The following ACCSL variants were observed in gnomAD, a reference collection of about 807,000 sequenced individuals.
ACCSL encodes 1-aminocyclopropane-1-carboxylate synthase homolog (inactive) like.
A neutral mutation model predicts 61.7 loss-of-function variants in ACCSL; 55 were observed. The observed-to-expected ratio is 0.89, with a 90% CI of 0.72 to 1.12. The LOEUF is 1.12. ACCSL is among the 50% of genes most tolerant of loss of function. ACCSL has a pLI of 0.00. For missense variants in ACCSL, 632 were observed against 698.0 expected (o/e 0.91, Z 1.07); for synonymous variants, 258 against 264.3 (o/e 0.98, Z 0.23).
the ACCSL span, among the ~76,000 whole-genome samples, chr11:43,932,329 A>G: frequency 3.3e-5 from 5 of 151,974 alleles, no homozygotes; most frequent in African/African-American, 1.2e-4. Flanking sequence ...GTGCAGTGGC[A>G]CAGTCTCAGC....
the ACCSL span, among the ~76,000 whole-genome samples, chr11:43,942,077 C>T: frequency 4.7e-5 from 7 of 148,940 alleles, no homozygotes; most frequent in Non-Finnish European, 9.0e-5. Context: ...TGTGTGTGTG[C>T]GCGCGCGCGC....
intron 6 of ACCSL, 60 bp from the exon 7 acceptor site, chr11:44,052,931 G>C (rs759246834): frequency 1.3e-5 from 20 of 1,552,612 alleles, no homozygotes; most frequent in Non-Finnish European, 1.8e-5. Context: ...GGGCTTATGG[G>C]AATGAGGAAT....
chr11:44,051,274 C>G, intron 3 of ACCSL, 61 bp from the exon 4 acceptor site: 2 of 1,555,984 alleles, frequency 1.3e-6, no homozygotes, highest in South Asian at 1.1e-5. Context: ...CAATGACCAT[C>G]TAGACCATGA....
the ACCSL span, among the ~76,000 whole-genome samples, chr11:43,984,438 C>G: frequency 6.6e-6 from 1 of 152,124 alleles, no homozygotes; most frequent in Non-Finnish European, 1.5e-5. Flanking sequence ...AGAGGAGACC[C>G]AGATGAATGG....
At chr11:44,016,738 C>T in the ACCSL span, among the ~76,000 whole-genome samples, 1 of 152,070 alleles carries the variant, frequency 6.6e-6, no homozygotes, top group African/African-American at 2.4e-5. Context: ...TATGTGGACT[C>T]CATAGGCAAA....
the ACCSL span, among the ~76,000 whole-genome samples, chr11:43,953,893 C>T: frequency 4.6e-5 from 7 of 152,220 alleles, no homozygotes; most frequent in South Asian, 4.1e-4. Context: ...AATAAACTTG[C>T]TTTCACTTTA....
Position 44,048,146 on chromosome 11 carries a change from A to T in ACCSL, c.110A>T (p.Gln37Leu). 1 of 1,614,190 alleles carries T rather than the reference A, an allele frequency of 6.2e-7. No individual in the cohort carries two copies. Among genetic ancestry groups the T allele is most frequent in the Non-Finnish European group, 8.5e-7 (1 of 1,180,032 alleles). Residue 37 changes from glutamine (Q) to leucine (L), a missense_variant, in exon 1 of 14, where the codon CAG (glutamine) becomes CTG (leucine). Physicochemically the swap from Gln to Leu is moderately radical, Grantham distance 113. Coordinates refer to ENST00000378832, the MANE Select transcript of ACCSL (RefSeq NM_001031854.2). The part of the protein sequence containing the change: ...TQLLEITLHL[Q>L]QAMTEHFVQL... ...CTGTTGGAGATAACGCTGCACTTGCAGCAGGCCATGACGGAGCACTTCGTG... is the reference window on the plus strand; with the variant it reads ...CTGTTGGAGATAACGCTGCACTTGCTGCAGGCCATGACGGAGCACTTCGTG...
the ACCSL span, among the ~76,000 whole-genome samples, chr11:43,969,961 A>G: frequency 7.0e-3 from 554 of 78,916 alleles, 7 homozygotes; most frequent in African/African-American, 0.025. Flanking sequence ...AAATAGGTAT[A>G]GGGGGAGGGT....
chr11:43,926,130 G>T, the ACCSL span, among the ~76,000 whole-genome samples: 1 of 152,132 alleles, frequency 6.6e-6, no homozygotes, highest in African/African-American at 2.4e-5. Context: ...TTGTGTGCGA[G>T]TGGAGCTGAT....
At chr11:44,053,641 C>A in intron 8 of ACCSL, 135 bp downstream of exon 8, 1 of 740,494 alleles carries the variant, frequency 1.4e-6, no homozygotes, top group Non-Finnish European at 2.2e-6. Flanking sequence ...GAAGGTGGAT[C>A]ACTTGAGGTC....
chr11:44,039,656 T>TA, the ACCSL span, among the ~76,000 whole-genome samples: 3 of 152,048 alleles, frequency 2.0e-5, no homozygotes, highest in South Asian at 6.2e-4. Flanking sequence ...CCTATGGAAA[T>TA]AAAAAATAAA....
the ACCSL span, among the ~76,000 whole-genome samples, chr11:44,001,792 TG>T: frequency 3.8e-4 from 51 of 135,512 alleles, no homozygotes; most frequent in Admixed American, 7.2e-4. Context: ...TGTGTGTGTG[TG>T]TGTGTGTGTG....
chr11:44,044,512 C>A (rs1471440876), upstream of ACCSL, among the ~76,000 whole-genome samples: 1 of 152,062 alleles, frequency 6.6e-6, no homozygotes. Context: ...CCCCAAATAA[C>A]TTGCTTCCCC....
chr11:43,964,470 G>A, the ACCSL span, among the ~76,000 whole-genome samples: 1 of 151,586 alleles, frequency 6.6e-6, no homozygotes, highest in African/African-American at 2.4e-5. Flanking sequence ...AATGTCTAGG[G>A]CCAGGTGGTT....
At chr11:43,989,708 T>C in the ACCSL span, among the ~76,000 whole-genome samples, 1,860 of 152,344 alleles carry the variant, frequency 0.012, 20 homozygotes, top group Middle Eastern at 0.051. Context: ...TTCTCTGCAC[T>C]ATGGAGGAGC....
chr11:43,931,220 C>T, the ACCSL span, among the ~76,000 whole-genome samples: 1 of 152,230 alleles, frequency 6.6e-6, no homozygotes, highest in Non-Finnish European at 1.5e-5. Flanking sequence ...AGCGTGAGGC[C>T]TTCGAAGCCG....
At chr11:43,997,426 GT>G in the ACCSL span, among the ~76,000 whole-genome samples, 1 of 152,156 alleles carries the variant, frequency 6.6e-6, no homozygotes, top group Non-Finnish European at 1.5e-5. Context: ...TTTTTCCCAT[GT>G]GTTGGCTGAG....
the ACCSL span, among the ~76,000 whole-genome samples, chr11:44,025,704 C>T: frequency 2.0e-5 from 3 of 152,010 alleles, no homozygotes; most frequent in Non-Finnish European, 1.5e-5. Context: ...TAAATGACTC[C>T]TTTAGTATTT....
chr11:44,012,009 T>C, the ACCSL span, among the ~76,000 whole-genome samples: 27 of 152,316 alleles, frequency 1.8e-4, no homozygotes, highest in South Asian at 4.8e-3. Flanking sequence ...CATGTGCTGA[T>C]GCTAGGAGGG....
Sources: allele counts gnomAD v4.1 joint callset (sites outside exome capture counted in the v4.1 genomes callset), GRCh38; gene constraint gnomAD v4.1.1; transcripts MANE v1.5; gene names NCBI Gene and HGNC (gene_info 2026-07-23, HGNC 2026-07-21).